The following ARHGAP6 variants were observed in gnomAD, a reference collection of about 807,000 sequenced individuals.
ARHGAP6 encodes Rho GTPase activating protein 6, also known as rho GTPase-activating protein 6.
ARHGAP6 carries 16 observed loss-of-function variants against 55.7 expected under a neutral mutation model. The observed-to-expected ratio is 0.29, with a 90% CI of 0.19 to 0.44. The LOEUF is 0.44. Ranked by LOEUF, ARHGAP6 falls within the 20% of genes least tolerant of loss-of-function variation. The pLI, the probability that ARHGAP6 is intolerant of heterozygous loss-of-function variation, is 1.00. For synonymous variants in ARHGAP6, 382 were observed against 360.9 expected (o/e 1.06, Z -0.66); for missense variants, 698 against 808.9 (o/e 0.86, Z 1.66).
At position 11,194,324 on chromosome X, in the gene ARHGAP6, A is replaced by G. The variant is rs185385136; in HGVS notation, c.820+2601T>C. On this transcript the variant is annotated intron_variant, in intron 3 of 12. Coordinates refer to ENST00000337414, the MANE Select transcript of ARHGAP6 (RefSeq NM_013427.3). ...TTCCAGCAGCAGATTCTGCTGTGAC[A>G]GAATGTGGCCTGGTGAGTATCCTAG... 2.2e-4 allele frequency among the ~76,000 whole-genome samples: 25 copies of G among 112,349 alleles called. 1 individual carries two copies. Among genetic ancestry groups the G allele is most frequent in the African/African-American group, 8.1e-4 (25 of 30,952 alleles).
At chrX:11,427,108 C>G (rs973851400) in intron 1 of ARHGAP6, among the ~76,000 whole-genome samples, 13 of 111,537 alleles carry the variant, frequency 1.2e-4, no homozygotes, top group Admixed American at 6.6e-4. Context: ...CTCCCGGCAG[C>G]ATTTCTTCAG....
chrX:11,491,131 G>T (rs948304202), intron 1 of ARHGAP6, among the ~76,000 whole-genome samples: 4 of 112,097 alleles, frequency 3.6e-5, no homozygotes, highest in Admixed American at 9.4e-5. Flanking sequence ...AATGCAATTT[G>T]CAGTGTATCA....
chrX:11,571,323 G>A (rs2051513656), intron 1 of ARHGAP6, among the ~76,000 whole-genome samples: 1 of 111,163 alleles, frequency 9.0e-6, no homozygotes, highest in Non-Finnish European at 1.9e-5. Flanking sequence ...TGCCAGATAG[G>A]CTGGGGTTTA....
chrX:11,656,431 C>T (rs1317277139), intron 1 of ARHGAP6, among the ~76,000 whole-genome samples: 1 of 112,222 alleles, frequency 8.9e-6, no homozygotes, highest in Non-Finnish European at 1.9e-5. Flanking sequence ...GACATATTCT[C>T]TTACAGTCCT....
intron 2 of ARHGAP6, among the ~76,000 whole-genome samples, chrX:11,206,922 G>T (rs1319147853): frequency 8.9e-6 from 1 of 111,762 alleles, no homozygotes; most frequent in African/African-American, 3.2e-5. Flanking sequence ...AGAAATGCCT[G>T]CCAGGTTTCT....
At chrX:11,357,595 T>G (rs5935031) in intron 1 of ARHGAP6, among the ~76,000 whole-genome samples, 3 of 111,638 alleles carry the variant, frequency 2.7e-5, no homozygotes, top group Non-Finnish European at 5.6e-5. Context: ...CAAACAGATG[T>G]AGTACTTTTT....
intron 1 of ARHGAP6, among the ~76,000 whole-genome samples, chrX:11,306,255 C>A (rs1422142865): frequency 8.9e-6 from 1 of 112,511 alleles, no homozygotes; most frequent in Admixed American, 9.4e-5. Context: ...CTGGAGTGCA[C>A]AGGCTCAGAG....
intron 2 of ARHGAP6, among the ~76,000 whole-genome samples, chrX:11,241,437 AAAT>A (rs1488885996): frequency 9.0e-6 from 1 of 110,931 alleles, no homozygotes; most frequent in African/African-American, 3.3e-5. Context: ...AGAGAGGGGA[AAAT>A]AATAATTGTG....
At chrX:11,324,960 G>A (rs1453208705) in intron 1 of ARHGAP6, among the ~76,000 whole-genome samples, 3 of 111,583 alleles carry the variant, frequency 2.7e-5, no homozygotes, top group Admixed American at 9.5e-5. Context: ...CCGGGTTCAC[G>A]CCATTCTCCT....
intron 1 of ARHGAP6, among the ~76,000 whole-genome samples, chrX:11,592,530 A>C (rs1025938167): frequency 9.0e-6 from 1 of 111,404 alleles, no homozygotes. Flanking sequence ...AGAAGACAAA[A>C]TAGGAAAAAA....
At chrX:11,276,062 T>C (rs1383675882) in intron 1 of ARHGAP6, among the ~76,000 whole-genome samples, 2 of 111,663 alleles carry the variant, frequency 1.8e-5, no homozygotes, top group Non-Finnish European at 3.8e-5. Flanking sequence ...AGGTTCCAAA[T>C]GACCTAGACA....
chrX:11,408,045 G>GT (rs891265174), intron 1 of ARHGAP6, among the ~76,000 whole-genome samples: 22 of 111,267 alleles, frequency 2.0e-4, no homozygotes, highest in African/African-American at 6.5e-4. Flanking sequence ...GAAGGAAGCA[G>GT]TAAGATTAAT....
chrX:11,151,260 C>CTTTTTTTT, intron 10 of ARHGAP6, among the ~76,000 whole-genome samples: 1 of 99,148 alleles, frequency 1.0e-5, no homozygotes, highest in Non-Finnish European at 2.1e-5. Context: ...GTCTTGCTTT[C>CTTTTTTTT]TTTTTTTTTT....
intron 2 of ARHGAP6, among the ~76,000 whole-genome samples, chrX:11,216,045 C>A (rs565709790): frequency 1.1e-4 from 12 of 111,031 alleles, no homozygotes; most frequent in South Asian, 7.8e-4. Context: ...GGACTTAAAC[C>A]GCAAAGAGCT....
intron 1 of ARHGAP6, among the ~76,000 whole-genome samples, chrX:11,314,574 A>G (rs1469094658): frequency 1.8e-5 from 2 of 112,554 alleles, no homozygotes; most frequent in Non-Finnish European, 1.9e-5. Context: ...ACATTTTGCT[A>G]AGGATAATGG....
chrX:11,418,933 A>AC (rs916615726), intron 1 of ARHGAP6, among the ~76,000 whole-genome samples: 46 of 110,174 alleles, frequency 4.2e-4, no homozygotes, highest in Admixed American at 2.0e-3. Flanking sequence ...GTCAACACCG[A>AC]CCCCCCCTCC....
intron 3 of ARHGAP6, among the ~76,000 whole-genome samples, chrX:11,190,497 A>C (rs1185757449): frequency 2.0e-5 from 2 of 99,228 alleles, no homozygotes; most frequent in East Asian, 5.8e-4. Flanking sequence ...ATCTATATAG[A>C]TATATCTCTA....
intron 1 of ARHGAP6, among the ~76,000 whole-genome samples, chrX:11,566,791 G>T (rs1332801411): frequency 1.8e-5 from 2 of 112,093 alleles, no homozygotes; most frequent in African/African-American, 6.5e-5. Context: ...GAGCAAAAAA[G>T]GATTGCAAAG....
At chrX:11,656,345 C>T (rs2052637275) in intron 1 of ARHGAP6, among the ~76,000 whole-genome samples, 1 of 112,178 alleles carries the variant, frequency 8.9e-6, no homozygotes, top group African/African-American at 3.2e-5. Flanking sequence ...CTGAGACATC[C>T]CAGACCTGTT....
Sources: allele counts gnomAD v4.1 joint callset (sites outside exome capture counted in the v4.1 genomes callset), GRCh38; gene constraint gnomAD v4.1.1; transcripts MANE v1.5; gene names NCBI Gene and HGNC (gene_info 2026-07-23, HGNC 2026-07-21).